Variants in FNBP1 observed in about 807,000 individuals in gnomAD.
The protein encoded by FNBP1 is formin binding protein 1, also known as formin-binding protein 1.
A neutral mutation model predicts 90.6 loss-of-function variants in FNBP1; 26 were observed. The observed-to-expected ratio is 0.29, with a 90% CI of 0.21 to 0.40. The LOEUF (loss-of-function observed/expected upper bound fraction) is 0.40, where lower values mean the gene tolerates loss of function less well. Among genes scored for constraint, FNBP1 ranks in the 10% least tolerant of loss-of-function variants. FNBP1 has a pLI of 1.00. For missense variants in FNBP1, 635 were observed against 768.0 expected (o/e 0.83, Z 2.05); for synonymous variants, 260 against 265.2 (o/e 0.98, Z 0.19).
intron 1 of FNBP1, among the ~76,000 whole-genome samples, chr9:130,037,629 C>T (rs1227394704): frequency 6.6e-6 from 1 of 152,022 alleles, no homozygotes; most frequent in Non-Finnish European, 1.5e-5. Context: ...TTTTCAAACC[C>T]TACTTTAAAG....
chr9:129,954,095 A>C (rs933358960), intron 6 of FNBP1, among the ~76,000 whole-genome samples: 1 of 152,054 alleles, frequency 6.6e-6, no homozygotes, highest in East Asian at 1.9e-4. Context: ...AAAAAGTATT[A>C]AAAAAGGTAT....
intron 6 of FNBP1, among the ~76,000 whole-genome samples, chr9:129,954,109 G>A (rs1051852618): frequency 1.2e-4 from 19 of 152,046 alleles, no homozygotes; most frequent in Middle Eastern, 3.4e-3. Context: ...AAGGTATTAG[G>A]AGTAAATAGG....
chr9:129,992,868 T>C (rs2053408971), intron 2 of FNBP1, among the ~76,000 whole-genome samples: 1 of 148,972 alleles, frequency 6.7e-6, no homozygotes, highest in Admixed American at 6.7e-5. Flanking sequence ...ACATATCTTT[T>C]ATGCAGATGC....
intron 12 of FNBP1, among the ~76,000 whole-genome samples, chr9:129,907,946 C>T (rs1419243048): frequency 1.3e-5 from 2 of 151,956 alleles, no homozygotes; most frequent in Non-Finnish European, 2.9e-5. Flanking sequence ...CCAGGATGGT[C>T]TCGATCTCCT....
At chr9:129,975,622 G>C (rs1000725149) in intron 4 of FNBP1, among the ~76,000 whole-genome samples, 3 of 151,912 alleles carry the variant, frequency 2.0e-5, no homozygotes, top group Middle Eastern at 3.4e-3. Context: ...AGGAATACGA[G>C]GGGGCACGGT....
chr9:129,977,073 C>T (rs1048098257), intron 4 of FNBP1, among the ~76,000 whole-genome samples: 2 of 151,628 alleles, frequency 1.3e-5, no homozygotes, highest in African/African-American at 2.4e-5. Flanking sequence ...GGAGGAGAAT[C>T]GCTTGAACCC....
At chr9:129,972,496 C>T (rs1466410051) in intron 4 of FNBP1, among the ~76,000 whole-genome samples, 3 of 151,668 alleles carry the variant, frequency 2.0e-5, no homozygotes, top group Admixed American at 1.3e-4. Flanking sequence ...CGTATGACAC[C>T]TGCTCACAGA....
chr9:129,904,969 T>C (rs2037700576), intron 12 of FNBP1, among the ~76,000 whole-genome samples: 1 of 152,182 alleles, frequency 6.6e-6, no homozygotes, highest in African/African-American at 2.4e-5. Flanking sequence ...TTAAACATTT[T>C]TAAATAATGT....
chr9:130,029,714 C>T (rs149561695), intron 1 of FNBP1, among the ~76,000 whole-genome samples: 56 of 152,176 alleles, frequency 3.7e-4, no homozygotes, highest in Non-Finnish European at 6.8e-4. Flanking sequence ...CCAAGTGCAG[C>T]GGCTCACACC....
chr9:129,973,807 CTTT>C (rs993234891), intron 4 of FNBP1, among the ~76,000 whole-genome samples: 1 of 133,570 alleles, frequency 7.5e-6, no homozygotes, highest in Non-Finnish European at 1.6e-5. Context: ...CTGGCCTCTT[CTTT>C]TTTTTTCTTT....
chr9:129,906,246 T>C (rs922911061), intron 12 of FNBP1, among the ~76,000 whole-genome samples: 1 of 152,346 alleles, frequency 6.6e-6, no homozygotes, highest in East Asian at 1.9e-4. Flanking sequence ...ATAGCTTGAA[T>C]GATACATTTC....
chr9:130,042,433 C>T lies in FNBP1; in HGVS notation c.24+519G>A, dbSNP rs989654558. Among the ~76,000 whole-genome samples, 4 of 152,092 alleles carry T rather than the reference C, an allele frequency of 2.6e-5. No individual in the cohort carries two copies. The highest frequency in any genetic ancestry group is 6.5e-5 in the Admixed American group (1 of 15,276). ...TCCAGAGCGAAGACCGCACTCTCGCCCCAGCACCCCAAAACCCGACCCCCG... is the reference window on the plus strand; with the variant it reads ...TCCAGAGCGAAGACCGCACTCTCGCTCCAGCACCCCAAAACCCGACCCCCG... On this transcript the variant is annotated intron_variant, in intron 1 of 16. Coordinates refer to ENST00000446176, the MANE Select transcript of FNBP1 (RefSeq NM_015033.3). The surrounding 1 kb of genome is among the most constrained non-coding windows in gnomAD (Gnocchi z 5.5).
At chr9:129,906,903 C>T (rs949845260) in intron 12 of FNBP1, among the ~76,000 whole-genome samples, 3 of 152,098 alleles carry the variant, frequency 2.0e-5, no homozygotes, top group African/African-American at 4.8e-5. Flanking sequence ...CCTCAGCCTC[C>T]CTAGTAGCTG....
At chr9:129,982,927 G>T (rs909242668) in intron 2 of FNBP1, among the ~76,000 whole-genome samples, 2 of 152,298 alleles carry the variant, frequency 1.3e-5, no homozygotes, top group African/African-American at 4.8e-5. Flanking sequence ...GCCTCCCAAA[G>T]TGCTGGAATT....
chr9:129,890,301 A>G lies in FNBP1; in HGVS notation c.*238T>C. On this transcript the variant is annotated 3_prime_UTR_variant, in exon 17 of 17. Coordinates refer to ENST00000446176, the MANE Select transcript of FNBP1 (RefSeq NM_015033.3). The surrounding 1 kb of genome is among the most constrained non-coding windows in gnomAD (Gnocchi z 5.8). ...CGCGGGGTGGGGAGGGGGAGCGATG[A>G]GGACTGACCCGAGCCATGGGGGTGG... The G allele has an allele frequency of 1.8e-6, 1 of 548,642 alleles. No homozygotes were observed. The highest frequency in any genetic ancestry group is 3.2e-6 in the Non-Finnish European group (1 of 309,850). 34.0% of individuals were successfully genotyped at this position (548,642 alleles called of 1,614,324 possible). A position where few individuals can be genotyped will look rare whatever the true frequency, so the allele number is the denominator to read the frequency against.
chr9:129,943,503 C>T (rs1173030641), intron 6 of FNBP1, among the ~76,000 whole-genome samples: 5 of 150,866 alleles, frequency 3.3e-5, no homozygotes, highest in African/African-American at 9.7e-5. Context: ...TCTCCTGCCT[C>T]AGCCTCCCAA....
At chr9:129,976,093 T>C (rs2050266991) in intron 4 of FNBP1, among the ~76,000 whole-genome samples, 2 of 152,192 alleles carry the variant, frequency 1.3e-5, no homozygotes, top group Non-Finnish European at 1.5e-5. Context: ...CTTAGTATTC[T>C]GTTTCACTGC....
Position 130,014,513 on chromosome 9 carries a change from A to G in FNBP1, c.25-19555T>C, listed in dbSNP as rs778527872. 1.6e-4 allele frequency among the ~76,000 whole-genome samples: 24 copies of G among 151,994 alleles called. No individual in the cohort carries two copies. In the South Asian group the frequency reaches 1.7e-3, roughly 11 times the overall value. On this transcript the variant is annotated intron_variant, in intron 1 of 16. Transcript: ENST00000446176. ...GCGATCCACCTGCCTCGGCCCCCCA[A>G]AGTGCTGGGATTACAGGCATGAGCC...
At position 129,916,038 on chromosome 9, in the gene FNBP1, G is replaced by GA. The variant is rs749718163; in HGVS notation, c.1171-59dup. ...ATAGAGAGAAAGAGAGAGAGAAAGA[G>GA]AAAAAAAAACAACAACACATCAGAA... On this transcript the variant is annotated intron_variant, in intron 10 of 16. Transcript: ENST00000446176. 4,089 of 1,076,740 alleles carry GA rather than the reference G, an allele frequency of 3.8e-3. 1 individual carries two copies. The highest frequency in any genetic ancestry group is 4.2e-3 in the Non-Finnish European group (3,083 of 741,950). The allele number at this position is 1,076,740 out of a possible 1,614,324, so 66.7% of individuals were successfully genotyped here. A position where few individuals can be genotyped will look rare whatever the true frequency, so the allele number is the denominator to read the frequency against.
Sources: allele counts gnomAD v4.1 joint callset (sites outside exome capture counted in the v4.1 genomes callset), GRCh38; gene constraint gnomAD v4.1.1; non-coding constraint Gnocchi (gnomAD v3.1); transcripts MANE v1.5; gene names NCBI Gene and HGNC (gene_info 2026-07-23, HGNC 2026-07-21).